The following NALF1 variants were observed in gnomAD, a reference collection of about 807,000 sequenced individuals.
NALF1 encodes the protein NALCN channel auxiliary factor 1, also known as family with sequence similarity 155 member A.
A neutral mutation model predicts 48.4 loss-of-function variants in NALF1; 3 were observed. The observed-to-expected ratio is 0.06, with a 90% CI of 0.03 to 0.16. The LOEUF (loss-of-function observed/expected upper bound fraction) is 0.16. Ranked by LOEUF, NALF1 falls within the 10% of genes least tolerant of loss-of-function variation. The pLI is 1.00. For missense variants in NALF1, 526 were observed against 571.5 expected, an observed-to-expected ratio of 0.92 and a Z score of 0.81; for synonymous variants, 262 against 245.7, an observed-to-expected ratio of 1.07 and a Z score of -0.62.
chr13:107,830,636 C>T (rs1267438948), intron 1 of NALF1, among the ~76,000 whole-genome samples: 5 of 152,088 alleles, frequency 3.3e-5, no homozygotes, highest in African/African-American at 4.8e-5. Flanking sequence ...TTTCGGGGAG[C>T]GGGGGGAGGA....
At chr13:107,809,883 G>C (rs1878933902) in intron 1 of NALF1, among the ~76,000 whole-genome samples, 1 of 151,888 alleles carries the variant, frequency 6.6e-6, no homozygotes, top group Admixed American at 6.6e-5. Context: ...TCTGTCTCAA[G>C]GAAGAAATAG....
chr13:107,423,422 C>T (rs1451427528), intron 1 of NALF1, among the ~76,000 whole-genome samples: 7 of 151,994 alleles, frequency 4.6e-5, no homozygotes, highest in South Asian at 2.1e-4. Context: ...TGGAGATGTC[C>T]GTCTTGCCCT....
At chr13:107,401,860 A>G (rs921844962) in intron 1 of NALF1, among the ~76,000 whole-genome samples, 1 of 152,162 alleles carries the variant, frequency 6.6e-6, no homozygotes, top group Admixed American at 6.6e-5. Flanking sequence ...TTTTTATACA[A>G]ATAGTTTGAT....
intron 1 of NALF1, among the ~76,000 whole-genome samples, chr13:107,527,347 A>G (rs1876480594): frequency 1.3e-5 from 2 of 152,146 alleles, no homozygotes; most frequent in South Asian, 4.1e-4. Flanking sequence ...AAATTCTGAC[A>G]GGCCAGAAGA....
At chr13:107,298,120 C>T (rs1220688733) in intron 1 of NALF1, among the ~76,000 whole-genome samples, 1 of 151,742 alleles carries the variant, frequency 6.6e-6, no homozygotes, top group African/African-American at 2.4e-5. Context: ...GAGGCCAAGG[C>T]GGGTGGAACA....
chr13:107,522,799 TA>T (rs1250232994), intron 1 of NALF1, among the ~76,000 whole-genome samples: 5 of 152,042 alleles, frequency 3.3e-5, no homozygotes, highest in African/African-American at 1.2e-4. Context: ...TTTGTATTTT[TA>T]GTAGAGACAG....
intron 1 of NALF1, among the ~76,000 whole-genome samples, chr13:107,754,961 TGTTATA>T (rs1249873753): frequency 6.6e-6 from 1 of 152,204 alleles, no homozygotes; most frequent in African/African-American, 2.4e-5. Flanking sequence ...GAATTTCAGT[TGTTATA>T]GTTAAGGTCT....
At chr13:107,360,243 G>A (rs1883037787) in intron 1 of NALF1, among the ~76,000 whole-genome samples, 1 of 152,154 alleles carries the variant, frequency 6.6e-6, no homozygotes, top group Non-Finnish European at 1.5e-5. Context: ...AGTCATTTCT[G>A]ACTCAATAGC....
chr13:107,784,761 C>T (rs545791888), intron 1 of NALF1, among the ~76,000 whole-genome samples: 190 of 152,004 alleles, frequency 1.2e-3, no homozygotes, highest in Non-Finnish European at 2.3e-3. Flanking sequence ...TAGATGTTGG[C>T]GTGGATGTGG....
intron 1 of NALF1, among the ~76,000 whole-genome samples, chr13:107,838,814 C>T (rs976897912): frequency 9.2e-5 from 14 of 152,214 alleles, no homozygotes; most frequent in African/African-American, 3.4e-4. Flanking sequence ...TCTTCAATCA[C>T]TCATCTGCAG....
intron 1 of NALF1, among the ~76,000 whole-genome samples, chr13:107,487,791 T>C (rs1480450140): frequency 3.9e-5 from 6 of 152,130 alleles, no homozygotes; most frequent in African/African-American, 1.2e-4. Context: ...ATGCTGGCCT[T>C]ATAGAATGGG....
intron 1 of NALF1, among the ~76,000 whole-genome samples, chr13:107,275,880 C>A (rs2138868176): frequency 6.6e-6 from 1 of 152,268 alleles, no homozygotes; most frequent in Non-Finnish European, 1.5e-5. Flanking sequence ...CTGACTGGGG[C>A]TGAAGGAGCC....
rs538408078 is a variant in NALF1, at chr13:107,213,216, AT to A, written c.916-2462del. ...TATTTCCGCTATATTTCCTTTGCAG[AT>A]TTTTTTTTAACTCAAAAAAAAAAAA... On this transcript the variant is annotated intron_variant, in intron 1 of 2. Transcript: ENST00000375915. Among the ~76,000 whole-genome samples the A allele has an allele frequency of 4.7e-4, 37 of 78,090 alleles. No individual in the cohort carries two copies. The East Asian group carries it at 5.1e-3, about 11-fold the overall frequency. The allele number at this position is 78,090 out of a possible 152,430, so 51.2% of individuals were successfully genotyped here.
intron 2 of NALF1, among the ~76,000 whole-genome samples, chr13:107,172,994 A>T (rs35422877): frequency 0.037 from 5,642 of 152,246 alleles, 130 homozygotes; most frequent in Middle Eastern, 0.051. Context: ...CTTTTTAACA[A>T]GTTTTTACTC....
In NALF1 at chr13:107,453,998, C is replaced by T. The variant is rs371625309; in HGVS notation, c.916-243243G>A. On this transcript the variant is annotated intron_variant, in intron 1 of 2. Transcript: ENST00000375915. ...AGCATAGCAAGAGTCACCTTTAGTT[C>T]CTAACAAGTTCCTTACCTCCATCAC... Among the ~76,000 whole-genome samples the T allele has an allele frequency of 9.9e-5, 15 of 152,148 alleles. 1 individual carries two copies. The highest frequency in any genetic ancestry group is 3.4e-4 in the African/African-American group (14 of 41,440).
At chr13:107,290,174 CA>C (rs35974424) in intron 1 of NALF1, among the ~76,000 whole-genome samples, 25 of 65,856 alleles carry the variant, frequency 3.8e-4, no homozygotes, top group South Asian at 1.2e-3. Context: ...CACAAACCAG[CA>C]AAAAAAAAAA....
intron 2 of NALF1, among the ~76,000 whole-genome samples, chr13:107,207,401 T>C (rs774452422): frequency 2.0e-5 from 3 of 152,186 alleles, no homozygotes; most frequent in Non-Finnish European, 4.4e-5. Context: ...GAGACGGACA[T>C]CCAAAAATGT....
intron 1 of NALF1, among the ~76,000 whole-genome samples, chr13:107,262,766 G>GGCGC (rs558852169): frequency 7.7e-4 from 29 of 37,860 alleles, no homozygotes; most frequent in Admixed American, 1.3e-3. Flanking sequence ...ATAACCCACA[G>GGCGC]GCGCTCTCTC....
intron 1 of NALF1, among the ~76,000 whole-genome samples, chr13:107,558,775 G>A (rs1206026228): frequency 2.0e-5 from 3 of 152,130 alleles, no homozygotes; most frequent in Non-Finnish European, 2.9e-5. Flanking sequence ...GACCTGCCTC[G>A]CCCCTGCCTG....
Sources: gnomAD v4.1 joint callset for allele counts (sites outside exome capture counted in the v4.1 genomes callset) on GRCh38, gnomAD v4.1.1 for gene constraint, MANE v1.5 for transcripts, NCBI Gene and HGNC (gene_info 2026-07-23, HGNC 2026-07-21) for gene names.